The following PLCB1 variants were observed in gnomAD, a reference collection of about 807,000 sequenced individuals.
PLCB1 encodes 1-phosphatidylinositol 4,5-bisphosphate phosphodiesterase beta-1.
Under a neutral mutation model 161.8 loss-of-function variants are expected in PLCB1, and 46 were observed. The ratio of observed to expected loss-of-function variants is 0.28; its 90% CI spans 0.22 to 0.36. PLCB1 has a LOEUF of 0.36. PLCB1 is among the 10% of genes least tolerant of loss of function. The pLI is 1.00. For missense variants in PLCB1, 1,016 were observed against 1,472.5 expected (o/e 0.69, Z 5.07); for synonymous variants, 517 against 503.7 (o/e 1.03, Z -0.35).
rs142565919 is a variant in PLCB1, at chr20:8,853,405, T to C, written c.3424-28217T>C. 1.3e-3 allele frequency among the ~76,000 whole-genome samples: 203 copies of C among 152,306 alleles called. 1 individual carries two copies. The highest frequency in any genetic ancestry group is 4.6e-3 in the African/African-American group (193 of 41,568). On this transcript the variant is annotated intron_variant, in intron 31 of 31. Transcript: ENST00000338037. Reference sequence around the variant, plus strand: ...ACTACCTCCATCCGGAAGTAACAGCTATTCTGATGTCAGTCAACACAGAGA... The same window carrying C: ...ACTACCTCCATCCGGAAGTAACAGCCATTCTGATGTCAGTCAACACAGAGA...
intron 3 of PLCB1, among the ~76,000 whole-genome samples, chr20:8,583,627 C>T (rs572742165): frequency 2.0e-5 from 3 of 152,250 alleles, no homozygotes; most frequent in Admixed American, 6.5e-5. Context: ...GATTCCTGAG[C>T]TTACTGGAAT....
At chr20:8,742,870 T>C (rs1016511173) in intron 23 of PLCB1, among the ~76,000 whole-genome samples, 1 of 152,242 alleles carries the variant, frequency 6.6e-6, no homozygotes, top group Non-Finnish European at 1.5e-5. Flanking sequence ...TTTGATATTC[T>C]GATACAGACA....
At chr20:8,631,665 G>C (rs1988592994) in intron 4 of PLCB1, among the ~76,000 whole-genome samples, 1 of 152,140 alleles carries the variant, frequency 6.6e-6, no homozygotes, top group African/African-American at 2.4e-5. Flanking sequence ...TTTTTCAGTA[G>C]ACAGAGAACC....
At chr20:8,484,081 A>G (rs1034767092) in intron 3 of PLCB1, among the ~76,000 whole-genome samples, 2 of 152,164 alleles carry the variant, frequency 1.3e-5, no homozygotes, top group African/African-American at 4.8e-5. Flanking sequence ...GCTAGACCAT[A>G]ATGGCACGAT....
chr20:8,444,797 C>T (rs1308925607), intron 3 of PLCB1, among the ~76,000 whole-genome samples: 1 of 151,964 alleles, frequency 6.6e-6, no homozygotes, highest in Non-Finnish European at 1.5e-5. Flanking sequence ...CTCTGATGGC[C>T]AGTGATGATG....
At chr20:8,810,845 T>A (rs1244253946) in intron 31 of PLCB1, among the ~76,000 whole-genome samples, 1 of 152,114 alleles carries the variant, frequency 6.6e-6, no homozygotes, top group Non-Finnish European at 1.5e-5. Flanking sequence ...ATGCTTGTAG[T>A]CCCAGCTACT....
chr20:8,144,600 T>G (rs2051435429), intron 1 of PLCB1, among the ~76,000 whole-genome samples: 1 of 152,358 alleles, frequency 6.6e-6, no homozygotes, highest in East Asian at 1.9e-4. Context: ...CCAATGATCT[T>G]AATTCCTCAC....
chr20:8,300,096 C>A (rs1378699728), intron 2 of PLCB1, among the ~76,000 whole-genome samples: 1 of 152,136 alleles, frequency 6.6e-6, no homozygotes, highest in Non-Finnish European at 1.5e-5. Flanking sequence ...GAGCTGCTGG[C>A]TGACTTAGGA....
intron 2 of PLCB1, among the ~76,000 whole-genome samples, chr20:8,216,458 T>C (rs902184515): frequency 6.6e-6 from 1 of 152,080 alleles, no homozygotes; most frequent in Non-Finnish European, 1.5e-5. Context: ...AAGTAGAATG[T>C]GTTGTGTTCT....
intron 9 of PLCB1, among the ~76,000 whole-genome samples, chr20:8,669,984 C>T (rs1249547178): frequency 6.6e-6 from 1 of 152,174 alleles, no homozygotes; most frequent in Non-Finnish European, 1.5e-5. Context: ...GCATTACGGT[C>T]AGGAACCACT....
At chr20:8,189,189 A>T (rs1351022633) in intron 2 of PLCB1, among the ~76,000 whole-genome samples, 1 of 151,652 alleles carries the variant, frequency 6.6e-6, no homozygotes, top group East Asian at 1.9e-4. Flanking sequence ...ACTTAGCATA[A>T]TGGCTTCCAA....
intron 2 of PLCB1, among the ~76,000 whole-genome samples, chr20:8,256,157 A>G (rs1981401675): frequency 6.6e-6 from 1 of 152,128 alleles, no homozygotes; most frequent in Non-Finnish European, 1.5e-5. Flanking sequence ...TAAGTGATGC[A>G]TGACTGTATT....
At chr20:8,162,329 A>G (rs1163242656) in intron 2 of PLCB1, among the ~76,000 whole-genome samples, 1 of 152,214 alleles carries the variant, frequency 6.6e-6, no homozygotes, top group Admixed American at 6.5e-5. Flanking sequence ...GGTTTTAAGA[A>G]TGACCTTATA....
At chr20:8,864,596 G>A (rs1189345386) in intron 31 of PLCB1, among the ~76,000 whole-genome samples, 2 of 152,156 alleles carry the variant, frequency 1.3e-5, no homozygotes, top group Non-Finnish European at 2.9e-5. Context: ...CAAAAAGCGA[G>A]TAGATGTAAA....
intron 3 of PLCB1, among the ~76,000 whole-genome samples, chr20:8,496,329 C>CAAAAAAAA (rs71331309): frequency 1.1e-5 from 1 of 91,994 alleles, no homozygotes; most frequent in Non-Finnish European, 2.4e-5. Flanking sequence ...CCCATCTCTG[C>CAAAAAAAA]AAAAAAAAAA....
At chr20:8,608,032 T>C (rs1262690861) in intron 3 of PLCB1, among the ~76,000 whole-genome samples, 1 of 152,150 alleles carries the variant, frequency 6.6e-6, no homozygotes, top group Non-Finnish European at 1.5e-5. Flanking sequence ...ACAATTTTTT[T>C]AATGACTAGA....
rs184780080 is a variant in PLCB1 at position 8,534,517 on chromosome 20, C to T, written c.247-93777C>T. Among the ~76,000 whole-genome samples the T allele has an allele frequency of 7.2e-5, 11 of 152,134 alleles. No individual in the cohort carries two copies. In the East Asian group the frequency reaches 1.4e-3, roughly 19 times the overall value. On this transcript the variant is annotated intron_variant, in intron 3 of 31. Coordinates refer to ENST00000338037, the MANE Select transcript of PLCB1 (RefSeq NM_015192.4). ...TTCTGTAGGAGGGGCTTATGGACTC[C>T]TTAAGGGCATAGGCTGTTGGAGTCC...
At chr20:8,166,368 C>A (rs944095798) in intron 2 of PLCB1, among the ~76,000 whole-genome samples, 1 of 152,144 alleles carries the variant, frequency 6.6e-6, no homozygotes, top group African/African-American at 2.4e-5. Flanking sequence ...TTGTTGATAA[C>A]CCCATTTTCC....
chr20:8,393,147 G>A (rs776974797), intron 3 of PLCB1, among the ~76,000 whole-genome samples: 17 of 152,072 alleles, frequency 1.1e-4, no homozygotes, highest in Non-Finnish European at 2.2e-4. Flanking sequence ...ATGCCACCTG[G>A]TACTTCTGTA....
Sources: gnomAD v4.1 joint callset for allele counts (sites outside exome capture counted in the v4.1 genomes callset) on GRCh38, gnomAD v4.1.1 for gene constraint, MANE v1.5 for transcripts, NCBI Gene and HGNC (gene_info 2026-07-23, HGNC 2026-07-21) for gene names.